PON2: variants seen among roughly 807,000 people sequenced by gnomAD.
The protein encoded by PON2 is paraoxonase 2.
In PON2, 27 loss-of-function variants were observed where a neutral mutation model predicts 36.6. The observed-to-expected ratio is 0.74, with a 90% CI of 0.54 to 1.02. PON2 has a LOEUF of 1.02. Ranked by LOEUF, PON2 falls within the 50% of genes least tolerant of loss-of-function variation. PON2 has a pLI of 0.00. For synonymous variants in PON2, 149 were observed against 156.3 expected, an observed-to-expected ratio of 0.95 and a Z score of 0.35; for missense variants, 363 against 421.1, an observed-to-expected ratio of 0.86 and a Z score of 1.21.
In PON2 at chr7:95,434,922, C is replaced by T; in HGVS notation, c.30G>A (p.Leu10=). 3 of 1,538,300 alleles carry T rather than the reference C, an allele frequency of 2.0e-6. No homozygotes were observed. Among genetic ancestry groups the T allele is most frequent in the Non-Finnish European group, 2.6e-6 (3 of 1,144,852 alleles). MGRLVAVGL[L]GIALALLGER... ...CGCCCAGGAGCGCCAGCGCGATCCC[C>T]AGCAAGCCCACAGCCACCAGCCGCC... Residue 10 remains leucine (L), a synonymous_variant, in exon 1 of 9, where the codon CTG becomes CTA. Transcript: ENST00000222572.
rs542849772 is a variant in PON2, at chr7:95,405,996, G to A, written c.906+123C>T. ...TGGCTTAACGCAATTACAAAACCAC[G>A]ACATAAGCTTATTATATTATTGCTT... is the stretch of plus-strand genomic sequence containing the variant. On this transcript the variant is annotated intron_variant, in intron 8 of 8. Coordinates refer to ENST00000222572, the MANE Select transcript of PON2 (RefSeq NM_000305.3). 5.6e-4 allele frequency: 644 copies of A among 1,158,964 alleles called. 1 individual carries two copies. Among genetic ancestry groups the A allele is most frequent in the Middle Eastern group, 1.4e-3 (5 of 3,546 alleles). 71.8% of individuals were successfully genotyped at this position (1,158,964 alleles called of 1,614,324 possible). A position where few individuals can be genotyped will look rare whatever the true frequency, so the allele number is the denominator to read the frequency against.
Position 95,420,989 on chromosome 7 carries a change from G to GA in PON2, c.145+3525dup, listed in dbSNP as rs3216253. ...CTAACCACAGGGCAAAAGCAAAAAA[G>GA]AAAAAAAAAAGGACAATTCTAATTA... On this transcript the variant is annotated intron_variant, in intron 2 of 8. Coordinates refer to ENST00000222572, the MANE Select transcript of PON2 (RefSeq NM_000305.3). 4.6e-3 allele frequency among the ~76,000 whole-genome samples: 668 copies of GA among 145,458 alleles called. 7 individuals carry two copies. Among genetic ancestry groups the GA allele is most frequent in the African/African-American group, 0.015 (611 of 39,680 alleles).
intron 1 of PON2, among the ~76,000 whole-genome samples, chr7:95,427,943 T>C (rs560790142): frequency 6.6e-6 from 1 of 152,324 alleles, no homozygotes; most frequent in East Asian, 1.9e-4. Flanking sequence ...TAAGTGATGA[T>C]ATGAGAGGAG....
At chr7:95,421,872 T>A (rs1789201752) in intron 2 of PON2, among the ~76,000 whole-genome samples, 1 of 152,222 alleles carries the variant, frequency 6.6e-6, no homozygotes, top group South Asian at 2.1e-4. Flanking sequence ...GGTGGCACTG[T>A]CAACTGATGG....
intron 1 of PON2, among the ~76,000 whole-genome samples, chr7:95,426,998 CG>C (rs765270744): frequency 6.6e-6 from 1 of 152,066 alleles, no homozygotes; most frequent in Non-Finnish European, 1.5e-5. Flanking sequence ...CTTAGGTTTG[CG>C]TAAGTAATTG....
At position 95,434,990 on chromosome 7, in the gene PON2, C is replaced by CCAGCAGCT; in HGVS notation, c.-47_-40dup. On this transcript the variant is annotated 5_prime_UTR_variant, in exon 1 of 9. Coordinates refer to ENST00000222572, the MANE Select transcript of PON2 (RefSeq NM_000305.3). The stretch of plus-strand genomic sequence containing the variant: ...GGCGCGCTGCCTCGCTCCGGCCTGG[C>CCAGCAGCT]CAGCAGCTCCGTGGGCGGTGCCATC... 2 of 1,500,832 alleles carry CCAGCAGCT rather than the reference C, an allele frequency of 1.3e-6. No homozygotes were observed. The highest frequency in any genetic ancestry group is 1.8e-6 in the Non-Finnish European group (2 of 1,130,710). The allele number at this position is 1,500,832 out of a possible 1,614,324, so 93.0% of individuals were successfully genotyped here.
Position 95,409,991 on chromosome 7 carries a change from G to T in PON2, c.605C>A (p.Ala202Glu), listed in dbSNP as rs1271180200. Residue 202 changes from alanine (A) to glutamate (E), a missense_variant, in exon 6 of 9, where the codon GCA becomes GAA. Ala to Glu is a moderately radical substitution (Grantham distance 107). Coordinates refer to ENST00000222572, the MANE Select transcript of PON2 (RefSeq NM_000305.3). ...ATTTGGACTGTAGTAAACAACATTT[G>T]CCCAGTGTAAGTTCAAGTATGTTTC... ...YLETYLNLHW[A>E]NVVYYSPNEV... 1 of 1,613,720 alleles carries T rather than the reference G, an allele frequency of 6.2e-7. No homozygotes were observed.
At chr7:95,427,409 C>T (rs754862904) in intron 1 of PON2, among the ~76,000 whole-genome samples, 4 of 152,178 alleles carry the variant, frequency 2.6e-5, no homozygotes, top group East Asian at 1.9e-4. Flanking sequence ...CCAGACTCCG[C>T]TGTATTGAGG....
intron 7 of PON2, 42 bp from the exon 8 acceptor site, chr7:95,406,289 A>G (rs370361970): frequency 1.3e-6 from 2 of 1,589,370 alleles, no homozygotes; most frequent in Non-Finnish European, 1.7e-6. Context: ...GACATGAGAA[A>G]CTTGATTAAA....
intron 1 of PON2, chr7:95,434,349 G>A (rs1474925783): frequency 6.5e-6 from 1 of 152,860 alleles, no homozygotes; most frequent in African/African-American, 2.4e-5. Flanking sequence ...GAATAAATAG[G>A]AAGTAAGAAC....
At chr7:95,405,547 A>G in intron 8 of PON2, 59 bp from the exon 9 acceptor site, 1 of 1,504,178 alleles carries the variant, frequency 6.6e-7, no homozygotes, top group Non-Finnish European at 9.2e-7. Context: ...TCACTCAATC[A>G]TCAATAAGCC....
At chr7:95,424,742 A>G (rs1250438044) in intron 1 of PON2, among the ~76,000 whole-genome samples, 157 bp from the exon 2 acceptor site, 2 of 152,234 alleles carry the variant, frequency 1.3e-5, no homozygotes, top group African/African-American at 4.8e-5. Context: ...AGGGTAGGAA[A>G]ATAAAACTGC....
chr7:95,432,981 A>G (rs1323377245), intron 1 of PON2, among the ~76,000 whole-genome samples: 1 of 152,138 alleles, frequency 6.6e-6, no homozygotes, highest in Admixed American at 6.5e-5. Flanking sequence ...TACCTTAACC[A>G]GTTACCCCAT....
At chr7:95,406,718 T>C (rs1050672072) in intron 7 of PON2, among the ~76,000 whole-genome samples, 1 of 152,198 alleles carries the variant, frequency 6.6e-6, no homozygotes, top group African/African-American at 2.4e-5. Flanking sequence ...TGAAAATTCT[T>C]ATTGGAATTC....
chr7:95,406,384 T>G, intron 7 of PON2, 137 bp from the exon 8 acceptor site: 1 of 933,648 alleles, frequency 1.1e-6, no homozygotes, highest in Non-Finnish European at 1.6e-6. Flanking sequence ...CAATATTGCT[T>G]AAAAGGAATG....
At chr7:95,414,744 A>G (rs1005123899) in intron 3 of PON2, among the ~76,000 whole-genome samples, 2 of 152,244 alleles carry the variant, frequency 1.3e-5, no homozygotes, top group Non-Finnish European at 2.9e-5. Flanking sequence ...GTTTTTCCTA[A>G]GCCACACATG....
chr7:95,420,535 G>C (rs1789167764), intron 2 of PON2, among the ~76,000 whole-genome samples: 1 of 152,164 alleles, frequency 6.6e-6, no homozygotes, highest in Admixed American at 6.5e-5. Context: ...CACACATCCT[G>C]TATGATATGT....
chr7:95,406,796 T>C (rs527403826), intron 7 of PON2, among the ~76,000 whole-genome samples, 191 bp downstream of exon 7: 7 of 152,320 alleles, frequency 4.6e-5, no homozygotes, highest in African/African-American at 1.7e-4. Context: ...AACCTGCTGC[T>C]GCATGTAATC....
intron 1 of PON2, among the ~76,000 whole-genome samples, chr7:95,430,755 G>C (rs893455988): frequency 6.6e-6 from 1 of 151,478 alleles, no homozygotes; most frequent in African/African-American, 2.4e-5. Flanking sequence ...GCAAGAACCT[G>C]CCTTGAAGAA....
Sources: allele counts gnomAD v4.1 joint callset (sites outside exome capture counted in the v4.1 genomes callset), GRCh38; gene constraint gnomAD v4.1.1; transcripts MANE v1.5; gene names NCBI Gene and HGNC (gene_info 2026-07-23, HGNC 2026-07-21).